RC3H1: variants seen among roughly 807,000 people sequenced by gnomAD.
RC3H1 encodes the protein roquin-1.
RC3H1 carries 50 observed loss-of-function variants against 138.2 expected under a neutral mutation model. The ratio of observed to expected loss-of-function variants is 0.36; its 90% CI spans 0.29 to 0.46. The LOEUF is 0.46. Among genes scored for constraint, RC3H1 ranks in the 20% least tolerant of loss-of-function variants. RC3H1 has a pLI of 1.00. For synonymous variants in RC3H1, 462 were observed against 489.1 expected (o/e 0.94, Z 0.73); for missense variants, 1,031 against 1,388.1 (o/e 0.74, Z 4.09).
chr1:173,964,786 C>T, intron 10 of RC3H1, 53 bp downstream of exon 10: 3 of 1,462,270 alleles, frequency 2.1e-6, no homozygotes, highest in Non-Finnish European at 2.8e-6. Context: ...TTCTATCTTC[C>T]TTCGACTTTA....
intron 13 of RC3H1, among the ~76,000 whole-genome samples, chr1:173,956,580 AC>A (rs1307378960): frequency 6.6e-6 from 1 of 150,858 alleles, no homozygotes; most frequent in Admixed American, 6.6e-5. Context: ...AATCACTTGA[AC>A]CCAGGAGGCG....
intron 2 of RC3H1, among the ~76,000 whole-genome samples, chr1:173,986,626 A>C (rs1157811948): frequency 6.6e-6 from 1 of 151,520 alleles, no homozygotes; most frequent in Middle Eastern, 3.2e-3. Flanking sequence ...ACAGTGGCAC[A>C]ATCTCGGCTC....
intron 1 of RC3H1, chr1:174,016,007 C>T (rs1661856808): frequency 6.6e-6 from 1 of 152,032 alleles, no homozygotes; most frequent in African/African-American, 2.4e-5. Flanking sequence ...TCAAGACCAG[C>T]CTGGCTAACG....
intron 13 of RC3H1, among the ~76,000 whole-genome samples, chr1:173,952,401 G>GT (rs1553225480): frequency 2.9e-4 from 16 of 56,004 alleles, no homozygotes; most frequent in Non-Finnish European, 2.9e-5. Context: ...TTAGCAGAAG[G>GT]TAAAAAAAAA....
At chr1:173,974,107 C>A (rs959687202) in intron 7 of RC3H1, among the ~76,000 whole-genome samples, 2 of 151,656 alleles carry the variant, frequency 1.3e-5, no homozygotes, top group Non-Finnish European at 2.9e-5. Context: ...TGAGCCACTG[C>A]GCTCTACTAA....
intron 9 of RC3H1, 116 bp downstream of exon 9, chr1:173,970,389 A>T: frequency 2.7e-6 from 2 of 748,930 alleles, no homozygotes; most frequent in Non-Finnish European, 4.6e-6. Context: ...GCTGTGTTAC[A>T]TTCTAAAAAT....
At chr1:173,972,020 G>C (rs1169696430) in intron 8 of RC3H1, among the ~76,000 whole-genome samples, 1 of 152,046 alleles carries the variant, frequency 6.6e-6, no homozygotes, top group Admixed American at 6.5e-5. Flanking sequence ...TAAAAACTTT[G>C]AGGGAGATTT....
intron 1 of RC3H1, among the ~76,000 whole-genome samples, chr1:174,014,531 C>G (rs1186635127): frequency 6.6e-6 from 1 of 152,164 alleles, no homozygotes; most frequent in Admixed American, 6.5e-5. Context: ...AGTACACATA[C>G]AGTTAACCCT....
chr1:174,018,296 T>C (rs1044542679), intron 1 of RC3H1, among the ~76,000 whole-genome samples: 1 of 152,172 alleles, frequency 6.6e-6, no homozygotes, highest in African/African-American at 2.4e-5. Flanking sequence ...GGAAAATTCT[T>C]TCCCCAAGCC....
Position 173,994,120 on chromosome 1 carries a change from G to A in RC3H1, c.-150-985C>T, listed in dbSNP as rs985151493. Among the ~76,000 whole-genome samples the A allele has an allele frequency of 2.6e-5, 4 of 151,724 alleles. No individual in the cohort carries two copies. The East Asian group carries it at 7.7e-4, about 29-fold the overall frequency. Reference sequence around the variant, plus strand: ...TAAATAACTTTTGACAGCCAGGCGCGGTGTCTCAGGTTTGTAATCCCAGCG... The same window carrying A: ...TAAATAACTTTTGACAGCCAGGCGCAGTGTCTCAGGTTTGTAATCCCAGCG... On this transcript the variant is annotated intron_variant, in intron 1 of 19. Coordinates refer to ENST00000367696, the MANE Select transcript of RC3H1 (RefSeq NM_172071.4).
chr1:173,968,897 C>T (rs957320045), intron 9 of RC3H1, among the ~76,000 whole-genome samples: 4 of 134,592 alleles, frequency 3.0e-5, no homozygotes, highest in Non-Finnish European at 4.5e-5. Context: ...CTCGCACTGT[C>T]GTTCAGGCTG....
Position 173,980,850 on chromosome 1 carries a change from C to A in RC3H1, c.928G>T (p.Asp310Tyr). 6.2e-7 allele frequency: 1 copy of A among 1,614,060 alleles called. No homozygotes were observed. Among genetic ancestry groups the A allele is most frequent in the South Asian group, 1.1e-5 (1 of 91,040 alleles). ...TGCATATGAGATTTGTGAGACTGGT[C>A]TCCATAAAGCAAAGAGGACCACTGG... ...PDQWSSLLYG[D>Y]QSHKSHMQSI... Residue 310 changes from aspartate (D) to tyrosine (Y), a missense_variant, in exon 6 of 20, where the codon GAC (aspartate) becomes TAC (tyrosine). Asp to Tyr is a radical substitution (Grantham distance 160, BLOSUM62 -3). Coordinates refer to ENST00000367696, the MANE Select transcript of RC3H1 (RefSeq NM_172071.4).
chr1:174,011,325 A>G (rs938344674), intron 1 of RC3H1, among the ~76,000 whole-genome samples: 3 of 152,186 alleles, frequency 2.0e-5, no homozygotes, highest in African/African-American at 7.2e-5. Flanking sequence ...AGTTTTTGAT[A>G]AACTTAATGA....
chr1:173,982,110 T>G (rs1660845738), intron 5 of RC3H1, among the ~76,000 whole-genome samples: 1 of 152,212 alleles, frequency 6.6e-6, no homozygotes, highest in South Asian at 2.1e-4. Flanking sequence ...CTGGGCGCGG[T>G]GGCTCACGCT....
intron 14 of RC3H1, among the ~76,000 whole-genome samples, chr1:173,948,702 C>T (rs1248787519): frequency 3.9e-5 from 6 of 152,146 alleles, no homozygotes; most frequent in Non-Finnish European, 7.4e-5. Flanking sequence ...GATCCTCCTG[C>T]CTCAGCTTCT....
chr1:174,003,943 A>G (rs182503472), intron 1 of RC3H1, among the ~76,000 whole-genome samples: 12 of 151,582 alleles, frequency 7.9e-5, no homozygotes, highest in East Asian at 1.9e-4. Context: ...TTACAGGCAT[A>G]AGCCACTGCG....
intron 1 of RC3H1, among the ~76,000 whole-genome samples, chr1:174,004,505 A>G (rs920254245): frequency 7.9e-5 from 12 of 152,196 alleles, no homozygotes; most frequent in African/African-American, 2.9e-4. Context: ...GTGTTCTCTA[A>G]GAGAATGTCA....
chr1:174,022,252 G>A lies in RC3H1; in HGVS notation c.-307C>T, dbSNP rs912764887. The A allele has an allele frequency of 2.6e-6, 1 of 391,100 alleles. No individual in the cohort carries two copies. Among genetic ancestry groups the A allele is most frequent in the Non-Finnish European group, 4.5e-6 (1 of 221,620 alleles). 24.2% of individuals were successfully genotyped at this position (391,100 alleles called of 1,614,324 possible). A position where few individuals can be genotyped will look rare whatever the true frequency, so the allele number is the denominator to read the frequency against. On this transcript the variant is annotated 5_prime_UTR_variant, in exon 1 of 20. Transcript: ENST00000367696. The surrounding 1 kb of genome is among the most constrained non-coding windows in gnomAD (Gnocchi z 4.2). ...CGCCGCCACCGCCAGCACCGCCTCC[G>A]GCCTCCCACCTGCTGCTGCTGAGGC...
At chr1:173,955,319 C>CTT (rs1227853549) in intron 13 of RC3H1, among the ~76,000 whole-genome samples, 4 of 126,670 alleles carry the variant, frequency 3.2e-5, no homozygotes, top group Non-Finnish European at 3.4e-5. Context: ...GAGATGTTGG[C>CTT]TTTTTTTTTT....
Sources: allele counts gnomAD v4.1 joint callset (sites outside exome capture counted in the v4.1 genomes callset), GRCh38; gene constraint gnomAD v4.1.1; non-coding constraint Gnocchi (gnomAD v3.1); transcripts MANE v1.5; gene names NCBI Gene and HGNC (gene_info 2026-07-23, HGNC 2026-07-21).